Variants in PCDHA6 observed in about 807,000 individuals in gnomAD.
PCDHA6 encodes the protein protocadherin alpha-6.
PCDHA6 carries 55 observed loss-of-function variants against 60.3 expected under a neutral mutation model. The observed-to-expected ratio is 0.91, with a 90% confidence interval of 0.73 to 1.14. The LOEUF (loss-of-function observed/expected upper bound fraction) is 1.14, where lower values mean the gene tolerates loss of function less well. Ranked by LOEUF, PCDHA6 falls within the 50% of genes most tolerant of loss-of-function variation. PCDHA6 has a pLI of 0.00. For missense variants in PCDHA6, 1,327 were observed against 1,256.5 expected, an observed-to-expected ratio of 1.06 and a Z score of -0.85; for synonymous variants, 652 against 557.9, an observed-to-expected ratio of 1.17 and a Z score of -2.38.
intron 1 of PCDHA6, chr5:140,966,229 A>T (rs1027352378): frequency 1.1e-5 from 3 of 277,852 alleles, no homozygotes; most frequent in African/African-American, 6.6e-5. Context: ...ATCTCCTTAA[A>T]GACCCGTTAA....
Position 140,850,196 on chromosome 5 carries a change from A to C in PCDHA6, c.2394+19711A>C, listed in dbSNP as rs1367952118. 5 of 1,592,830 alleles carry C rather than the reference A, an allele frequency of 3.1e-6. No homozygotes were observed. The Admixed American group carries it at 8.4e-5, about 27-fold the overall frequency. On this transcript the variant is annotated intron_variant, in intron 1 of 3. Transcript: ENST00000529310. ...ACGACAATGCGCCGGCGCTGCTGAC[A>C]CCTCGGATGAGGGGCACTGACGGCG...
intron 1 of PCDHA6, chr5:140,831,049 T>C (rs1289663905): frequency 6.6e-6 from 1 of 152,264 alleles, no homozygotes; most frequent in Non-Finnish European, 1.5e-5. Flanking sequence ...ATAGTGTTCA[T>C]TTATTGTCCC....
At position 140,857,211 on chromosome 5, in the gene PCDHA6, T is replaced by C; in HGVS notation, c.2394+26726T>C. 5 of 1,598,632 alleles carry C rather than the reference T, an allele frequency of 3.1e-6. 1 individual carries two copies. Among genetic ancestry groups the C allele is most frequent in the Non-Finnish European group, 4.3e-6 (5 of 1,167,976 alleles). On this transcript the variant is annotated intron_variant, in intron 1 of 3. Coordinates refer to ENST00000529310, the MANE Select transcript of PCDHA6 (RefSeq NM_018909.4). ...GCCAACGGACAGGTCACCTGCTCTCTGACGCCTCACGTTCCGTTCAAGCTG... is the reference window on the plus strand; with the variant it reads ...GCCAACGGACAGGTCACCTGCTCTCCGACGCCTCACGTTCCGTTCAAGCTG...
At chr5:140,882,854 C>T in intron 1 of PCDHA6, 1 of 1,614,196 alleles carries the variant, frequency 6.2e-7, no homozygotes, top group African/African-American at 1.3e-5. Context: ...ATCACTTGTA[C>T]TGAGGAAAAC....
chr5:140,884,346 T>G (rs1487079029), intron 1 of PCDHA6: 1 of 1,613,896 alleles, frequency 6.2e-7, no homozygotes, highest in Non-Finnish European at 8.5e-7. Flanking sequence ...GAAGCGGCGC[T>G]GGTGGATGTC....
rs2150326977 is a variant in PCDHA6, at chr5:140,841,986, T to C, written c.2394+11501T>C. ...GCCACAGATGGGGGCAAACCTGAGCTCACAGGCACTGTTCAGCTGCTGGTC... is the reference window on the plus strand; with the variant it reads ...GCCACAGATGGGGGCAAACCTGAGCCCACAGGCACTGTTCAGCTGCTGGTC... On this transcript the variant is annotated intron_variant, in intron 1 of 3. Transcript: ENST00000529310. 2 of 1,613,792 alleles carry C rather than the reference T, an allele frequency of 1.2e-6. 1 individual carries two copies. The highest frequency in any genetic ancestry group is 4.5e-5 in the East Asian group (2 of 44,836).
chr5:140,929,410 CACA>C (rs2153600762), intron 1 of PCDHA6: 2 of 1,505,808 alleles, frequency 1.3e-6, no homozygotes, highest in East Asian at 2.3e-5. Context: ...ACAAGCCTTT[CACA>C]ACATTTCATC....
At chr5:140,843,011 G>A (rs2150350118) in intron 1 of PCDHA6, 1 of 1,595,080 alleles carries the variant, frequency 6.3e-7, no homozygotes, top group Admixed American at 1.7e-5. Flanking sequence ...CAACGCGCCG[G>A]CACTGCTGGA....
chr5:140,876,685 T>C, intron 1 of PCDHA6: 1 of 1,614,216 alleles, frequency 6.2e-7, no homozygotes, highest in Non-Finnish European at 8.5e-7. Flanking sequence ...CAAGAATTAC[T>C]ACTCGTTGGT....
intron 1 of PCDHA6, chr5:140,877,824 A>G (rs1554170141): frequency 1.9e-6 from 3 of 1,602,118 alleles, no homozygotes; most frequent in Non-Finnish European, 2.6e-6. Flanking sequence ...AAGATTGTTT[A>G]AATCCTCCCA....
intron 1 of PCDHA6, among the ~76,000 whole-genome samples, chr5:140,952,912 C>A (rs1554220675): frequency 6.6e-6 from 1 of 152,042 alleles, no homozygotes; most frequent in East Asian, 1.9e-4. Flanking sequence ...GCTCATCTTA[C>A]ATGGCATGAG....
At chr5:140,842,540 T>A in intron 1 of PCDHA6, 1 of 1,610,630 alleles carries the variant, frequency 6.2e-7, no homozygotes. Context: ...TTACTACTCG[T>A]TGGTGCTGGA....
chr5:140,966,862 G>T (rs782810195), intron 1 of PCDHA6: 1 of 1,562,198 alleles, frequency 6.4e-7, no homozygotes. Context: ...TGCTGCTGTT[G>T]CTGCTGCTGC....
At chr5:141,001,509 G>A (rs1025738776) in intron 3 of PCDHA6, among the ~76,000 whole-genome samples, 3 of 152,212 alleles carry the variant, frequency 2.0e-5, no homozygotes, top group Non-Finnish European at 4.4e-5. Context: ...GGTGGGCTTA[G>A]CTTTCTCCCT....
intron 1 of PCDHA6, chr5:140,862,563 C>T: frequency 2.1e-6 from 1 of 476,978 alleles, no homozygotes; most frequent in Non-Finnish European, 4.3e-6. Context: ...CAGTGAACCA[C>T]AATGCCCTGG....
At chr5:140,851,968 C>T (rs1409588887) in intron 1 of PCDHA6, 1 of 976,644 alleles carries the variant, frequency 1.0e-6, no homozygotes, top group Admixed American at 6.3e-5. Flanking sequence ...GTTTTCCACA[C>T]TCTACCTTTA....
intron 1 of PCDHA6, chr5:140,853,623 A>G: frequency 1.0e-6 from 1 of 988,442 alleles, no homozygotes; most frequent in Non-Finnish European, 1.2e-6. Context: ...AAATAAGTAT[A>G]CAAGATCACA....
chr5:140,945,153 C>T (rs996541335), intron 1 of PCDHA6, among the ~76,000 whole-genome samples: 1 of 152,064 alleles, frequency 6.6e-6, no homozygotes, highest in African/African-American at 2.4e-5. Flanking sequence ...TTTCTATACA[C>T]TATTGAACTA....
intron 1 of PCDHA6, among the ~76,000 whole-genome samples, chr5:140,971,573 CT>C (rs1203027280): frequency 6.6e-6 from 1 of 152,110 alleles, no homozygotes; most frequent in African/African-American, 2.4e-5. Flanking sequence ...GTTGGGCTTT[CT>C]TTTTTTCCTA....
Sources: allele counts gnomAD v4.1 joint callset (sites outside exome capture counted in the v4.1 genomes callset), GRCh38; gene constraint gnomAD v4.1.1; transcripts MANE v1.5; gene names NCBI Gene and HGNC (gene_info 2026-07-23, HGNC 2026-07-21).